The following MINAR1 variants were observed in gnomAD, a reference collection of about 807,000 sequenced individuals.
MINAR1 encodes the protein membrane integral NOTCH2 associated receptor 1, also known as major intrinsically disordered Notch2-binding receptor 1.
Under a neutral mutation model 65.1 loss-of-function variants are expected in MINAR1, and 40 were observed. The ratio of observed to expected loss-of-function variants is 0.61; its 90% CI spans 0.48 to 0.80. The LOEUF (loss-of-function observed/expected upper bound fraction) is 0.80. MINAR1 is among the 30% of genes least tolerant of loss of function. MINAR1 has a pLI of 0.00. For missense variants in MINAR1, 1,128 were observed against 1,148.0 expected, an observed-to-expected ratio of 0.98 and a Z score of 0.25; for synonymous variants, 482 against 449.1, an observed-to-expected ratio of 1.07 and a Z score of -0.93.
chr15:79,418,260 A>G, the MINAR1 span: 7 of 152,390 alleles, frequency 4.6e-5, no homozygotes, highest in African/African-American at 1.7e-4. Context: ...CAGATCTTCC[A>G]TTTATAGGTA....
rs766389645 is a variant in MINAR1 at position 79,468,175 on chromosome 15, C to G, written c.2554-12C>G. ...ATTCACTGTATTTCTAACATCTTCT[C>G]TTCGCTTTTAGACGCAAGAATCTTT... On this transcript the variant is annotated splice_polypyrimidine_tract_variant and intron_variant, in intron 3 of 3. Coordinates refer to ENST00000305428, the MANE Select transcript of MINAR1 (RefSeq NM_015206.3). The G allele has an allele frequency of 5.6e-6, 9 of 1,608,474 alleles. No individual in the cohort carries two copies. The highest frequency in any genetic ancestry group is 1.7e-5 in the Admixed American group (1 of 59,852).
intron 1 of MINAR1, among the ~76,000 whole-genome samples, chr15:79,446,807 C>T (rs538609901): frequency 1.2e-4 from 18 of 152,236 alleles, no homozygotes; most frequent in African/African-American, 3.4e-4. Flanking sequence ...TCCTAGAATT[C>T]CAAATAGATA....
At chr15:79,461,109 G>T (rs1378079952) in intron 2 of MINAR1, among the ~76,000 whole-genome samples, 1 of 152,222 alleles carries the variant, frequency 6.6e-6, no homozygotes, top group Non-Finnish European at 1.5e-5. Flanking sequence ...ATAGTGGATG[G>T]AAACTTTTAT....
chr15:79,433,659 G>A (rs902675881), intron 1 of MINAR1, among the ~76,000 whole-genome samples: 1 of 152,166 alleles, frequency 6.6e-6, no homozygotes, highest in African/African-American at 2.4e-5. Context: ...TGTGGAAGCA[G>A]CTTATGTGGC....
the MINAR1 span, chr15:79,418,264 A>G: frequency 6.6e-6 from 1 of 152,248 alleles, no homozygotes; most frequent in African/African-American, 2.4e-5. Flanking sequence ...TCTTCCATTT[A>G]TAGGTAAAAA....
chr15:79,440,662 C>G (rs994530810), intron 1 of MINAR1, among the ~76,000 whole-genome samples: 1 of 152,180 alleles, frequency 6.6e-6, no homozygotes, highest in Admixed American at 6.5e-5. Context: ...TCCCCTTCCC[C>G]CGCTCCTCCC....
In MINAR1 at chr15:79,468,341, T is replaced by C. The variant is rs1402574152; in HGVS notation, c.2708T>C (p.Val903Ala). 2 of 1,614,122 alleles carry C rather than the reference T, an allele frequency of 1.2e-6. No individual in the cohort carries two copies. The highest frequency in any genetic ancestry group is 4.5e-5 in the East Asian group (2 of 44,888). Residue 903 changes from valine (V) to alanine (A), a missense_variant, in exon 4 of 4, where the codon GTC becomes GCC. Transcript: ENST00000305428. ...AALIAAAACTVILVIVVPICT... is the reference protein window; with the variant it reads ...AALIAAAACTAILVIVVPICT... ...CTGATCGCTGCTGCGGCATGCACCG[T>C]CATCCTCGTTATTGTCGTGCCCATC...
rs562705533 is a variant in MINAR1 at position 79,468,257 on chromosome 15, C to T, written c.2624C>T (p.Ser875Leu). Residue 875 changes from serine (S) to leucine (L), a missense_variant, in exon 4 of 4, where the codon TCA becomes TTA. Coordinates refer to ENST00000305428, the MANE Select transcript of MINAR1 (RefSeq NM_015206.3). ...MEDIYTPGYD[S>L]LLKRKEAEFR... ...GACATTTATACTCCAGGATACGATT[C>T]ATTACTAAAACGTAAAGAAGCCGAA... 2 of 1,614,038 alleles carry T rather than the reference C, an allele frequency of 1.2e-6. No homozygotes were observed. The highest frequency in any genetic ancestry group is 1.3e-5 in the African/African-American group (1 of 75,070).
chr15:79,463,126 C>T lies in MINAR1; in HGVS notation c.2358C>T (p.Gly786=), dbSNP rs2141302650. The change falls in exon 3 of 4, where the codon GGC becomes GGT. Residue 786 remains glycine, a synonymous_variant. Coordinates refer to ENST00000305428, the MANE Select transcript of MINAR1 (RefSeq NM_015206.3). ...QHRLPKQPKD[G]FLVEQVFSPH... Reference sequence around the variant, plus strand: ...GACTGCCCAAGCAGCCCAAAGATGGCTTCCTGGTGGAGCAGGTGTTCAGCC... The same window carrying T: ...GACTGCCCAAGCAGCCCAAAGATGGTTTCCTGGTGGAGCAGGTGTTCAGCC... 6.2e-7 allele frequency: 1 copy of T among 1,614,216 alleles called. No homozygotes were observed. Among genetic ancestry groups the T allele is most frequent in the Middle Eastern group, 1.6e-4 (1 of 6,062 alleles).
At chr15:79,429,120 C>T (rs1567046227), upstream of MINAR1, among the ~76,000 whole-genome samples, 1 of 152,154 alleles carries the variant, frequency 6.6e-6, no homozygotes, top group African/African-American at 2.4e-5. Context: ...ATGTTAGTCT[C>T]TAAGAAGTTC....
At chr15:79,443,628 C>T (rs1163979458) in intron 1 of MINAR1, among the ~76,000 whole-genome samples, 1 of 152,096 alleles carries the variant, frequency 6.6e-6, no homozygotes, top group African/African-American at 2.4e-5. Context: ...TTTTTCCATG[C>T]ATTCTTAAGT....
intron 1 of MINAR1, among the ~76,000 whole-genome samples, chr15:79,437,774 G>A (rs1894662396): frequency 1.0e-5 from 1 of 99,374 alleles, no homozygotes; most frequent in Non-Finnish European, 2.1e-5. Context: ...GTGTGAGTGG[G>A]GTGGGTAGTG....
Position 79,457,613 on chromosome 15 carries a change from A to G in MINAR1, c.1466A>G (p.Asp489Gly). ...GTGCTGGAGCCCAAGAAATGCAGAG[A>G]CCTGTGCACCTCTGGTCAGGGCAAG... is the stretch of plus-strand genomic sequence containing the variant. The part of the protein sequence containing the change: ...EHVLEPKKCR[D>G]LCTSGQGKYS... Residue 489 changes from aspartate to glycine, a missense_variant, in exon 2 of 4, where the codon GAC becomes GGC. Asp to Gly is a moderately conservative substitution (Grantham distance 94). Transcript: ENST00000305428. The G allele has an allele frequency of 6.2e-7, 1 of 1,614,184 alleles. No homozygotes were observed. Among genetic ancestry groups the G allele is most frequent in the South Asian group, 1.1e-5 (1 of 91,084 alleles).
In MINAR1 at chr15:79,457,562, G is replaced by A. The variant is rs941899412; in HGVS notation, c.1415G>A (p.Ser472Asn). The stretch of plus-strand genomic sequence containing the variant: ...AGTGGGCAGCTCAGCTCAGACACCA[G>A]TAGCGTGGGCACCCAGACTGAGCAC... ...CTSGQLSSDT[S>N]SVGTQTEHVL... Residue 472 changes from serine to asparagine, a missense_variant, in exon 2 of 4, where the codon AGT becomes AAT. Transcript: ENST00000305428. 1.9e-6 allele frequency: 3 copies of A among 1,614,182 alleles called. No individual in the cohort carries two copies. The highest frequency in any genetic ancestry group is 1.6e-4 in the Middle Eastern group (1 of 6,062).
At position 79,456,270 on chromosome 15, in the gene MINAR1, G is replaced by T; in HGVS notation, c.123G>T (p.Ser41=). ...CTCTCTGTGCCCGGTTCGACCTGTC[G>T]CAGCTTGCCAAACTGAGAAGTGTGC... The part of the protein sequence containing the change: ...CKSLCARFDL[S]QLAKLRSVLF... The change falls in exon 2 of 4, where the codon TCG becomes TCT. Residue 41 remains serine (S), a synonymous_variant. Transcript: ENST00000305428. 6.2e-7 allele frequency: 1 copy of T among 1,614,076 alleles called. No individual in the cohort carries two copies. Among genetic ancestry groups the T allele is most frequent in the East Asian group, 2.2e-5 (1 of 44,880 alleles).
At chr15:79,461,006 A>G (rs1895624106) in intron 2 of MINAR1, among the ~76,000 whole-genome samples, 1 of 152,122 alleles carries the variant, frequency 6.6e-6, no homozygotes, top group Non-Finnish European at 1.5e-5. Context: ...TCTAAGTCCT[A>G]TGCTCCCGTC....
rs369045512 is a variant in MINAR1 at position 79,469,965 on chromosome 15, G to A, written c.*1581G>A. On this transcript the variant is annotated 3_prime_UTR_variant, in exon 4 of 4. Coordinates refer to ENST00000305428, the MANE Select transcript of MINAR1 (RefSeq NM_015206.3). ...TCGCAAATAATGCTTAGCTTGCTGTGTCTGATTCTGTTGTTCACCATTAAG... is the reference window on the plus strand; with the variant it reads ...TCGCAAATAATGCTTAGCTTGCTGTATCTGATTCTGTTGTTCACCATTAAG... The A allele has an allele frequency of 2.0e-5, 3 of 152,598 alleles. No individual in the cohort carries two copies. The highest frequency in any genetic ancestry group is 7.2e-5 in the African/African-American group (3 of 41,420). The allele number at this position is 152,598 out of a possible 1,614,324, so 9.5% of individuals were successfully genotyped here. A position where few individuals can be genotyped will look rare whatever the true frequency, so the allele number is the denominator to read the frequency against.
upstream of MINAR1, among the ~76,000 whole-genome samples, chr15:79,432,252 C>G (rs1375070250): frequency 6.6e-6 from 1 of 152,114 alleles, no homozygotes; most frequent in East Asian, 1.9e-4. Context: ...AGTCCGAGCG[C>G]CCCCTTCAGC....
chr15:79,460,090 C>A (rs1196806344), intron 2 of MINAR1, among the ~76,000 whole-genome samples: 2 of 152,222 alleles, frequency 1.3e-5, no homozygotes, highest in East Asian at 1.9e-4. Context: ...TGAGCAGACA[C>A]AAGCTTCAGT....
Sources: gnomAD v4.1 joint callset for allele counts (sites outside exome capture counted in the v4.1 genomes callset) on GRCh38, gnomAD v4.1.1 for gene constraint, MANE v1.5 for transcripts, NCBI Gene and HGNC (gene_info 2026-07-23, HGNC 2026-07-21) for gene names.